ARHGAP10: variants seen among roughly 807,000 people sequenced by gnomAD.
The protein encoded by ARHGAP10 is rho GTPase-activating protein 10.
A neutral mutation model predicts 108.6 loss-of-function variants in ARHGAP10; 87 were observed. The observed-to-expected ratio is 0.80, with a 90% CI of 0.67 to 0.96. The LOEUF is 0.96. ARHGAP10 is among the 40% of genes least tolerant of loss of function. The pLI, the probability that ARHGAP10 is intolerant of heterozygous loss-of-function variation, is 0.00. For missense variants in ARHGAP10, 939 were observed against 954.5 expected, an observed-to-expected ratio of 0.98 and a Z score of 0.21; for synonymous variants, 347 against 341.1, an observed-to-expected ratio of 1.02 and a Z score of -0.19.
chr4:147,849,078 C>T (rs1460457426), intron 4 of ARHGAP10, among the ~76,000 whole-genome samples: 1 of 152,036 alleles, frequency 6.6e-6, no homozygotes, highest in African/African-American at 2.4e-5. Context: ...TGTGAAGAGC[C>T]CGTCATTGTA....
intron 18 of ARHGAP10, among the ~76,000 whole-genome samples, chr4:148,012,115 A>G (rs1741192357): frequency 6.6e-6 from 1 of 152,184 alleles, no homozygotes; most frequent in South Asian, 2.1e-4. Flanking sequence ...GTGTGGTTCT[A>G]TGCCTATTAT....
chr4:147,745,863 G>A (rs1359136008), intron 1 of ARHGAP10, among the ~76,000 whole-genome samples: 3 of 143,208 alleles, frequency 2.1e-5, no homozygotes, highest in African/African-American at 7.7e-5. Context: ...CTCGGTTCAC[G>A]GCAACCTCCA....
At chr4:147,893,547 A>C (rs973586604) in intron 10 of ARHGAP10, among the ~76,000 whole-genome samples, 1 of 147,818 alleles carries the variant, frequency 6.8e-6, no homozygotes, top group Non-Finnish European at 1.5e-5. Context: ...TATATATCAC[A>C]TGTATTTCAC....
intron 3 of ARHGAP10, among the ~76,000 whole-genome samples, chr4:147,826,706 C>G (rs1732723601): frequency 6.6e-6 from 1 of 152,188 alleles, no homozygotes; most frequent in Admixed American, 6.5e-5. Context: ...CCCTGCTCTC[C>G]TCATTATTTT....
Position 148,017,554 on chromosome 4 carries a change from G to T in ARHGAP10, c.1717-5709G>T, listed in dbSNP as rs1393904704. Among the ~76,000 whole-genome samples, 19 of 151,152 alleles carry T rather than the reference G, an allele frequency of 1.3e-4. No individual in the cohort carries two copies. The East Asian group carries it at 3.7e-3, about 29-fold the overall frequency. On this transcript the variant is annotated intron_variant, in intron 18 of 22. Coordinates refer to ENST00000336498, the MANE Select transcript of ARHGAP10 (RefSeq NM_024605.4). ...TAATGCAGGGGAAGATACCTACTTT[G>T]GGGAGAGCAGAGAGAGATTCTGTTT... is the stretch of plus-strand genomic sequence containing the variant.
At chr4:147,930,020 C>A (rs1157350810) in intron 13 of ARHGAP10, among the ~76,000 whole-genome samples, 1 of 152,098 alleles carries the variant, frequency 6.6e-6, no homozygotes, top group East Asian at 1.9e-4. Flanking sequence ...CCTGTGAATG[C>A]CAGTATGAAC....
intron 18 of ARHGAP10, among the ~76,000 whole-genome samples, chr4:147,999,682 C>A (rs1282096892): frequency 1.3e-5 from 2 of 152,194 alleles, no homozygotes. Flanking sequence ...CTAACACTCA[C>A]CACATGGCCC....
intron 1 of ARHGAP10, among the ~76,000 whole-genome samples, chr4:147,818,205 T>C (rs1732334807): frequency 6.6e-6 from 1 of 151,454 alleles, no homozygotes; most frequent in Non-Finnish European, 1.5e-5. Context: ...CCTACCCTGC[T>C]GGTGTATTAA....
chr4:147,814,595 C>T (rs944931243), intron 1 of ARHGAP10, among the ~76,000 whole-genome samples: 2 of 151,998 alleles, frequency 1.3e-5, no homozygotes, highest in Non-Finnish European at 2.9e-5. Context: ...TTTTGGTATT[C>T]CCTTTCTTAG....
Position 147,857,559 on chromosome 4 carries a change from A to G in ARHGAP10, c.391A>G (p.Lys131Glu). 6.7e-7 allele frequency: 1 copy of G among 1,484,424 alleles called. No homozygotes were observed. Among genetic ancestry groups the G allele is most frequent in the East Asian group, 2.5e-5 (1 of 39,594 alleles). 92.0% of individuals were successfully genotyped at this position (1,484,424 alleles called of 1,614,324 possible). The change falls in exon 5 of 23, where the codon AAA becomes GAA. Residue 131 changes from lysine to glutamate, a missense_variant. Transcript: ENST00000336498. The stretch of plus-strand genomic sequence containing the variant: ...GTTTTTTTTTTATTTGTAGGAAGAA[A>G]AAAAGAAGTTTGACAAAGAGACAGA... Reference protein sequence around the residue: ...KEQLGAVKEEKKKFDKETEKN... With the variant: ...KEQLGAVKEEEKKFDKETEKN...
chr4:147,816,317 T>C (rs2126778581), intron 1 of ARHGAP10, among the ~76,000 whole-genome samples: 1 of 152,288 alleles, frequency 6.6e-6, no homozygotes, highest in East Asian at 1.9e-4. Flanking sequence ...GCTATTTTGG[T>C]GTTTGGTTGT....
chr4:147,843,207 T>C lies in ARHGAP10; in HGVS notation c.313-3944T>C, dbSNP rs557825802. ...ATGCTCAGCATCCCATCTCCTCCCG[T>C]GTCAGAGATTTTGAACCATTCTTTC... On this transcript the variant is annotated intron_variant, in intron 3 of 22. Coordinates refer to ENST00000336498, the MANE Select transcript of ARHGAP10 (RefSeq NM_024605.4). Among the ~76,000 whole-genome samples the C allele has an allele frequency of 2.0e-5, 3 of 152,334 alleles. No homozygotes were observed. In the East Asian group the frequency reaches 5.8e-4, roughly 29 times the overall value.
In ARHGAP10 at chr4:147,822,893, C is replaced by A; in HGVS notation, c.251-3C>A. Reference sequence around the variant, plus strand: ...CCAAATAATCACTCCTTTCTTCTTACAGATGCTTCCTTACGTGAATTTTCA... The same window carrying A: ...CCAAATAATCACTCCTTTCTTCTTAAAGATGCTTCCTTACGTGAATTTTCA... On this transcript the variant is annotated splice_region_variant and splice_polypyrimidine_tract_variant and intron_variant, in intron 2 of 22. Coordinates refer to ENST00000336498, the MANE Select transcript of ARHGAP10 (RefSeq NM_024605.4). 1 of 1,614,026 alleles carries A rather than the reference C, an allele frequency of 6.2e-7. No individual in the cohort carries two copies. Among genetic ancestry groups the A allele is most frequent in the Non-Finnish European group, 8.5e-7 (1 of 1,179,922 alleles).
intron 1 of ARHGAP10, among the ~76,000 whole-genome samples, chr4:147,819,923 C>G (rs1324470778): frequency 1.3e-5 from 2 of 152,154 alleles, no homozygotes; most frequent in Admixed American, 1.3e-4. Flanking sequence ...AGACTGACAG[C>G]CGTCGCTTCA....
At chr4:147,983,973 T>G (rs1739930150) in intron 18 of ARHGAP10, among the ~76,000 whole-genome samples, 1 of 152,174 alleles carries the variant, frequency 6.6e-6, no homozygotes, top group Non-Finnish European at 1.5e-5. Flanking sequence ...AGTTCTTGAT[T>G]TTTTTATTCT....
chr4:147,924,390 T>A (rs773623525), intron 13 of ARHGAP10, among the ~76,000 whole-genome samples: 1 of 152,238 alleles, frequency 6.6e-6, no homozygotes, highest in Non-Finnish European at 1.5e-5. Flanking sequence ...CCTATGGTTT[T>A]ATACGTTTTC....
intron 18 of ARHGAP10, among the ~76,000 whole-genome samples, chr4:147,983,183 C>T (rs193299067): frequency 0.01 from 1,084 of 106,654 alleles, 18 homozygotes; most frequent in African/African-American, 0.032. Flanking sequence ...TGCCTGGCTG[C>T]TTTGTTTTTT....
intron 1 of ARHGAP10, among the ~76,000 whole-genome samples, chr4:147,742,828 C>T (rs964004289): frequency 2.0e-5 from 3 of 151,372 alleles, no homozygotes; most frequent in African/African-American, 7.3e-5. Flanking sequence ...AAGCACAGAG[C>T]TGAATATAGG....
chr4:147,826,857 C>T (rs1439432248), intron 3 of ARHGAP10, among the ~76,000 whole-genome samples: 1 of 152,060 alleles, frequency 6.6e-6, no homozygotes, highest in South Asian at 2.1e-4. Flanking sequence ...TTTCCTGATA[C>T]TCATTCCAAT....
Sources: allele counts gnomAD v4.1 joint callset (sites outside exome capture counted in the v4.1 genomes callset), GRCh38; gene constraint gnomAD v4.1.1; transcripts MANE v1.5; gene names NCBI Gene and HGNC (gene_info 2026-07-23, HGNC 2026-07-21).